Variants in LRPPRC observed in about 807,000 individuals in gnomAD.
LRPPRC encodes the protein leucine-rich PPR motif-containing protein, mitochondrial.
LRPPRC carries 120 observed loss-of-function variants against 180.3 expected under a neutral mutation model. That is an observed-to-expected ratio of 0.67 (90% CI 0.57 to 0.77). The LOEUF is 0.77. LRPPRC is among the 30% of genes least tolerant of loss of function. The pLI, the probability that LRPPRC is intolerant of heterozygous loss-of-function variation, is 0.00. For synonymous variants in LRPPRC, 723 were observed against 600.0 expected (o/e 1.21, Z -3.00); for missense variants, 2,012 against 1,657.2 (o/e 1.21, Z -3.72).
chr2:43,980,494 G>A (rs554803917), intron 2 of LRPPRC, among the ~76,000 whole-genome samples: 7 of 149,736 alleles, frequency 4.7e-5, no homozygotes, highest in South Asian at 4.2e-4. Context: ...TGGAGGCTGC[G>A]GTGAGCCGAC....
chr2:43,952,409 G>T (rs2103631293), intron 14 of LRPPRC, among the ~76,000 whole-genome samples: 1 of 152,320 alleles, frequency 6.6e-6, no homozygotes, highest in Non-Finnish European at 1.5e-5. Flanking sequence ...CCAAGCTGTT[G>T]TAAGGAACAG....
intron 5 of LRPPRC, 70 bp from the exon 6 acceptor site, chr2:43,976,299 T>G: frequency 1.2e-6 from 1 of 856,394 alleles, no homozygotes; most frequent in Middle Eastern, 2.2e-4. Context: ...TGTACAGAAT[T>G]AGGCCTTGAG....
intron 20 of LRPPRC, among the ~76,000 whole-genome samples, chr2:43,946,837 G>C (rs1672697939): frequency 1.3e-5 from 2 of 152,012 alleles, no homozygotes; most frequent in African/African-American, 4.8e-5. Context: ...CTGAAAAAAG[G>C]CAAGGGACCC....
intron 18 of LRPPRC, 113 bp downstream of exon 18, chr2:43,948,009 T>G (rs1572955788): frequency 1.0e-4 from 80 of 765,566 alleles, no homozygotes; most frequent in Non-Finnish European, 2.3e-6. Flanking sequence ...TTAATGGCTG[T>G]CATTGAAACA....
At chr2:43,965,735 TA>T (rs1215433232) in intron 11 of LRPPRC, among the ~76,000 whole-genome samples, 1 of 151,978 alleles carries the variant, frequency 6.6e-6, no homozygotes, top group Non-Finnish European at 1.5e-5. Context: ...TCCAAAGACA[TA>T]AAAATGGCCA....
intron 23 of LRPPRC, among the ~76,000 whole-genome samples, chr2:43,942,853 GT>G (rs1672533914): frequency 6.6e-6 from 1 of 151,832 alleles, no homozygotes; most frequent in Non-Finnish European, 1.5e-5. Context: ...CATTTTCGGT[GT>G]TTTACTACTT....
intron 27 of LRPPRC, among the ~76,000 whole-genome samples, chr2:43,922,884 G>C (rs1671747364): frequency 6.6e-6 from 1 of 152,196 alleles, no homozygotes; most frequent in Non-Finnish European, 1.5e-5. Context: ...ATCATAACCA[G>C]ATTATCCATT....
At chr2:43,996,113 G>C (rs1675063683), upstream of LRPPRC, 2 of 588,578 alleles carry the variant, frequency 3.4e-6, no homozygotes, top group Middle Eastern at 4.4e-4. Context: ...ACTTCTCCGA[G>C]GACAGAAGAC....
chr2:43,989,366 C>A (rs1029346949), intron 1 of LRPPRC, among the ~76,000 whole-genome samples: 3 of 152,190 alleles, frequency 2.0e-5, no homozygotes, highest in African/African-American at 7.2e-5. Flanking sequence ...TTCCACCTAT[C>A]GAGATTTCCC....
chr2:43,927,090 A>G (rs1287919502), intron 25 of LRPPRC, among the ~76,000 whole-genome samples: 2 of 152,200 alleles, frequency 1.3e-5, no homozygotes, highest in Non-Finnish European at 2.9e-5. Flanking sequence ...ACTCTATAGT[A>G]TTTTCATCAT....
intron 11 of LRPPRC, among the ~76,000 whole-genome samples, chr2:43,966,989 T>C (rs1673589203): frequency 6.6e-6 from 1 of 152,066 alleles, no homozygotes; most frequent in East Asian, 1.9e-4. Context: ...GGGCAGAAGT[T>C]GCAGTGAGCT....
At position 43,974,138 on chromosome 2, in the gene LRPPRC, T is replaced by G. The variant is rs1432369767; in HGVS notation, c.1155+12A>C. On this transcript the variant is annotated intron_variant, in intron 9 of 37. Coordinates refer to ENST00000260665, the MANE Select transcript of LRPPRC (RefSeq NM_133259.4). ...AATTACATTGTCTACAAAGTAAAAG[T>G]GGACAGAATACCGTATTCATAGTCA... The G allele has an allele frequency of 3.1e-6, 5 of 1,611,882 alleles. No homozygotes were observed. The Admixed American group carries it at 8.3e-5, about 27-fold the overall frequency.
intron 29 of LRPPRC, among the ~76,000 whole-genome samples, chr2:43,913,865 C>T (rs929880594): frequency 7.9e-5 from 12 of 152,194 alleles, no homozygotes; most frequent in Non-Finnish European, 1.6e-4. Context: ...CTATCATTTA[C>T]TGATTATTCC....
rs1670295538 is a variant in LRPPRC at position 43,887,125 on chromosome 2, AACAG to A, written c.*1471_*1474del. Reference sequence around the variant, plus strand: ...TGCGCCACTGCACTCTGGCTTAAGCAACAGAGCAAGACTATCTCAAAAAAAAAAA... The same window carrying A: ...TGCGCCACTGCACTCTGGCTTAAGCAAGCAAGACTATCTCAAAAAAAAAAA... On this transcript the variant is annotated 3_prime_UTR_variant, in exon 38 of 38. Coordinates refer to ENST00000260665, the MANE Select transcript of LRPPRC (RefSeq NM_133259.4). 7.2e-6 allele frequency: 1 copy of A among 139,688 alleles called. No individual in the cohort carries two copies. Among genetic ancestry groups the A allele is most frequent in the Non-Finnish European group, 1.6e-5 (1 of 63,586 alleles). 8.7% of individuals were successfully genotyped at this position (139,688 alleles called of 1,614,324 possible). A position where few individuals can be genotyped will look rare whatever the true frequency, so the allele number is the denominator to read the frequency against.
chr2:43,945,310 T>A, intron 22 of LRPPRC, 22 bp downstream of exon 22: 1 of 1,518,744 alleles, frequency 6.6e-7, no homozygotes, highest in Middle Eastern at 1.7e-4. Flanking sequence ...ATCACATATT[T>A]CCTTTATGTG....
At chr2:43,977,472 G>C (rs150018627) in intron 3 of LRPPRC, among the ~76,000 whole-genome samples, 196 bp from the exon 4 acceptor site, 37 of 152,238 alleles carry the variant, frequency 2.4e-4, no homozygotes, top group African/African-American at 6.0e-4. Flanking sequence ...TAATTACTGA[G>C]TTACTGTATA....
At chr2:43,929,429 TTAA>T (rs1234846360) in intron 25 of LRPPRC, among the ~76,000 whole-genome samples, 1 of 152,212 alleles carries the variant, frequency 6.6e-6, no homozygotes, top group African/African-American at 2.4e-5. Context: ...ATGTTAACTT[TTAA>T]TAATAGATTT....
At chr2:43,906,469 T>C (rs955495531) in intron 30 of LRPPRC, among the ~76,000 whole-genome samples, 25 of 152,242 alleles carry the variant, frequency 1.6e-4, no homozygotes, top group African/African-American at 5.3e-4. Flanking sequence ...AAAAGCAAAA[T>C]GAAACAACAA....
chr2:43,890,638 G>A (rs1489011167), intron 36 of LRPPRC, among the ~76,000 whole-genome samples: 2 of 152,170 alleles, frequency 1.3e-5, no homozygotes, highest in South Asian at 2.1e-4. Context: ...GTGTGAACCC[G>A]GGAGGTGGAG....
Sources: gnomAD v4.1 joint callset for allele counts (sites outside exome capture counted in the v4.1 genomes callset) on GRCh38, gnomAD v4.1.1 for gene constraint, MANE v1.5 for transcripts, NCBI Gene and HGNC (gene_info 2026-07-23, HGNC 2026-07-21) for gene names.